Variants in IL36B observed in about 807,000 individuals in gnomAD.
The protein encoded by IL36B is interleukin-36 beta.
IL36B carries 23 observed loss-of-function variants against 19.3 expected under a neutral mutation model. That is an observed-to-expected ratio of 1.19 (90% CI 0.86 to 1.69). IL36B has a LOEUF of 1.69. IL36B is among the 40% of genes most tolerant of loss of function. The pLI is 0.00. For missense variants in IL36B, 217 were observed against 200.5 expected (o/e 1.08, Z -0.50); for synonymous variants, 59 against 59.7 (o/e 0.99, Z 0.05).
intron 1 of IL36B, among the ~76,000 whole-genome samples, chr2:113,040,164 C>T (rs77516439): frequency 0.027 from 4,059 of 152,262 alleles, 89 homozygotes; most frequent in Middle Eastern, 0.058. Context: ...AGGAGAAATG[C>T]CACCTAAATC....
intron 1 of IL36B, among the ~76,000 whole-genome samples, chr2:113,048,750 T>A (rs1423509260): frequency 1.3e-5 from 2 of 152,058 alleles, no homozygotes; most frequent in African/African-American, 4.8e-5. Context: ...ACCAGTTTCA[T>A]GAATAGAAGA....
intron 1 of IL36B, among the ~76,000 whole-genome samples, chr2:113,043,617 A>G (rs1685297994): frequency 6.6e-6 from 1 of 152,090 alleles, no homozygotes; most frequent in South Asian, 2.1e-4. Context: ...GCTGGAGTGC[A>G]TGGCACGATC....
intron 5 of IL36B, chr2:113,022,805 G>T (rs371066689): frequency 8.2e-6 from 12 of 1,461,266 alleles, no homozygotes; most frequent in Non-Finnish European, 1.2e-5. Context: ...TATCTCCTAG[G>T]CTTAGCAAGA....
At chr2:113,025,012 G>C (rs1192426147) in intron 5 of IL36B, among the ~76,000 whole-genome samples, 1 of 152,144 alleles carries the variant, frequency 6.6e-6, no homozygotes, top group Non-Finnish European at 1.5e-5. Flanking sequence ...CCCCTATGCT[G>C]TTGTGCATAT....
intron 1 of IL36B, among the ~76,000 whole-genome samples, chr2:113,033,461 A>G (rs989879484): frequency 2.6e-5 from 4 of 151,930 alleles, no homozygotes; most frequent in African/African-American, 4.8e-5. Context: ...CTGGTCTCAA[A>G]CTCCTGAGCT....
chr2:113,036,717 G>T (rs1156991516), intron 1 of IL36B, among the ~76,000 whole-genome samples: 1 of 152,192 alleles, frequency 6.6e-6, no homozygotes, highest in Non-Finnish European at 1.5e-5. Context: ...GAATAAATAA[G>T]CATTTGATCC....
chr2:113,023,738 T>G (rs1396754250), intron 5 of IL36B, among the ~76,000 whole-genome samples: 1 of 152,222 alleles, frequency 6.6e-6, no homozygotes, highest in Non-Finnish European at 1.5e-5. Flanking sequence ...CTTTGAAGTA[T>G]TCTTTTTATA....
At chr2:113,035,596 A>G (rs560037530) in intron 1 of IL36B, among the ~76,000 whole-genome samples, 1 of 152,352 alleles carries the variant, frequency 6.6e-6, no homozygotes, top group East Asian at 1.9e-4. Flanking sequence ...AAGCAAGTGA[A>G]TATAGCAACA....
intron 1 of IL36B, among the ~76,000 whole-genome samples, chr2:113,048,089 C>T (rs1244859853): frequency 1.3e-5 from 2 of 152,086 alleles, no homozygotes; most frequent in Non-Finnish European, 2.9e-5. Context: ...AATGCAAGAT[C>T]TAAATATATA....
chr2:113,038,340 G>A (rs1489683853), intron 1 of IL36B, among the ~76,000 whole-genome samples: 1 of 152,188 alleles, frequency 6.6e-6, no homozygotes, highest in Non-Finnish European at 1.5e-5. Flanking sequence ...TGTCTAGTAT[G>A]GTCATTCTGG....
At position 113,050,061 on chromosome 2, in the gene IL36B, C is replaced by T. The variant is rs117588022; in HGVS notation, c.-58+2756G>A. Reference sequence around the variant, plus strand: ...AAACGGTATGGTTGTTCCTCAAAAACTTAAACATAGAATTATCCATATGAT... The same window carrying T: ...AAACGGTATGGTTGTTCCTCAAAAATTTAAACATAGAATTATCCATATGAT... On this transcript the variant is annotated intron_variant, in intron 1 of 5. Transcript: ENST00000259213. Among the ~76,000 whole-genome samples, 376 of 152,208 alleles carry T rather than the reference C, an allele frequency of 2.5e-3. 17 individuals are homozygous for T. In the East Asian group the frequency reaches 0.065, roughly 26 times the overall value.
chr2:113,026,090 AT>A, intron 5 of IL36B: 1 of 1,612,756 alleles, frequency 6.2e-7, no homozygotes, highest in Non-Finnish European at 8.5e-7. Context: ...GGATAAGAGA[AT>A]TTGCTCCTCA....
intron 3 of IL36B, among the ~76,000 whole-genome samples, chr2:113,030,130 C>A (rs1685045608): frequency 6.6e-6 from 1 of 151,854 alleles, no homozygotes; most frequent in African/African-American, 2.4e-5. Context: ...ACTCAGGAGT[C>A]TGAGGCAGGA....
At chr2:113,029,428 T>C (rs1685032558) in intron 3 of IL36B, among the ~76,000 whole-genome samples, 1 of 152,014 alleles carries the variant, frequency 6.6e-6, no homozygotes, top group Non-Finnish European at 1.5e-5. Context: ...AGGTGGGTAG[T>C]GAGAATGTGA....
At chr2:113,025,795 A>C (rs1684947723) in intron 5 of IL36B, among the ~76,000 whole-genome samples, 1 of 152,258 alleles carries the variant, frequency 6.6e-6, no homozygotes, top group South Asian at 2.1e-4. Context: ...AACGTGTTGG[A>C]GGTGGCTAGT....
At chr2:113,047,016 T>C (rs145974540) in intron 1 of IL36B, among the ~76,000 whole-genome samples, 13 of 152,370 alleles carry the variant, frequency 8.5e-5, no homozygotes, top group Non-Finnish European at 1.3e-4. Context: ...CTTATTTATT[T>C]ATTTAGTCAG....
chr2:113,050,128 G>T (rs1048701624), intron 1 of IL36B, among the ~76,000 whole-genome samples: 3 of 152,156 alleles, frequency 2.0e-5, no homozygotes, highest in African/African-American at 7.2e-5. Flanking sequence ...AGAATTGAAA[G>T]CAGAGACTTG....
At chr2:113,040,411 G>A (rs1246759817) in intron 1 of IL36B, among the ~76,000 whole-genome samples, 1 of 152,162 alleles carries the variant, frequency 6.6e-6, no homozygotes, top group Non-Finnish European at 1.5e-5. Context: ...GTCATTTTGA[G>A]AAGTCTGCTA....
Position 113,022,363 on chromosome 2 carries a change from C to A in IL36B, c.*311G>T, listed in dbSNP as rs549793326. On this transcript the variant is annotated 3_prime_UTR_variant, in exon 6 of 6. Transcript: ENST00000259213. ...TTGCTGCTCTGTGGGAATTCAGGAG[C>A]AATGTTGTCTGATCTTCCCATTTTT... is the stretch of plus-strand genomic sequence containing the variant. 2.2e-4 allele frequency: 43 copies of A among 194,732 alleles called. No homozygotes were observed. Among genetic ancestry groups the A allele is most frequent in the Middle Eastern group, 2.3e-3 (1 of 436 alleles). 12.1% of individuals were successfully genotyped at this position (194,732 alleles called of 1,614,324 possible).
Sources: gnomAD v4.1 joint callset for allele counts (sites outside exome capture counted in the v4.1 genomes callset) on GRCh38, gnomAD v4.1.1 for gene constraint, MANE v1.5 for transcripts, NCBI Gene and HGNC (gene_info 2026-07-23, HGNC 2026-07-21) for gene names.